Variants in EPHA6 observed in about 807,000 individuals in gnomAD.
The protein encoded by EPHA6 is EPH receptor A6.
Under a neutral mutation model 112.0 loss-of-function variants are expected in EPHA6, and 50 were observed. The ratio of observed to expected loss-of-function variants is 0.45; its 90% CI spans 0.36 to 0.56. The LOEUF (loss-of-function observed/expected upper bound fraction) is 0.56, where lower values mean the gene tolerates loss of function less well. EPHA6 is among the 20% of genes least tolerant of loss of function. The probability of loss-of-function intolerance (pLI) is 0.00; values close to 1 mark genes in which losing one functional copy is unlikely to be tolerated. For synonymous variants in EPHA6, 529 were observed against 490.7 expected (o/e 1.08, Z -1.03); for missense variants, 1,280 against 1,417.4 (o/e 0.90, Z 1.56).
At chr3:97,487,609 A>G (rs2091728306) in intron 10 of EPHA6, among the ~76,000 whole-genome samples, 1 of 152,194 alleles carries the variant, frequency 6.6e-6, no homozygotes, top group Non-Finnish European at 1.5e-5. Flanking sequence ...TTTTCTGTAC[A>G]TATATTCTTA....
chr3:97,109,161 A>G (rs1290061743), intron 3 of EPHA6, among the ~76,000 whole-genome samples: 3 of 152,190 alleles, frequency 2.0e-5, no homozygotes, highest in Non-Finnish European at 4.4e-5. Context: ...TTTTGAATGA[A>G]TGAGTGATTT....
At position 97,063,168 on chromosome 3, in the gene EPHA6, A is replaced by G. The variant is rs143371903; in HGVS notation, c.1114+75175A>G. Among the ~76,000 whole-genome samples the G allele has an allele frequency of 5.0e-3, 757 of 152,294 alleles. 6 individuals are homozygous for G. The highest frequency in any genetic ancestry group is 0.016 in the African/African-American group (666 of 41,570). On this transcript the variant is annotated intron_variant, in intron 3 of 17. Transcript: ENST00000389672. ...AATTCCTCAAAGACCTAGAGACAGA[A>G]ATATCATTTGACTCAGCAATCCCAT...
At chr3:97,535,458 A>T (rs2092750213) in intron 11 of EPHA6, among the ~76,000 whole-genome samples, 1 of 152,090 alleles carries the variant, frequency 6.6e-6, no homozygotes, top group Non-Finnish European at 1.5e-5. Context: ...GGAGCTACCA[A>T]GGTGGGTTGT....
chr3:97,286,810 A>G (rs576126782), intron 5 of EPHA6, among the ~76,000 whole-genome samples: 2 of 151,560 alleles, frequency 1.3e-5, no homozygotes, highest in East Asian at 3.9e-4. Context: ...AATTGAATTG[A>G]ATTATAGATT....
chr3:97,533,952 C>A (rs1439447057), intron 11 of EPHA6, among the ~76,000 whole-genome samples: 1 of 152,126 alleles, frequency 6.6e-6, no homozygotes, highest in African/African-American at 2.4e-5. Context: ...AGGAACCATG[C>A]ACCTCCATCC....
At chr3:97,483,430 G>A (rs1175521740) in intron 9 of EPHA6, among the ~76,000 whole-genome samples, 1 of 152,122 alleles carries the variant, frequency 6.6e-6, no homozygotes, top group African/African-American at 2.4e-5. Context: ...GGCCTTTCTT[G>A]TTTCTATGCC....
At chr3:96,927,092 T>A (rs926801917) in intron 2 of EPHA6, among the ~76,000 whole-genome samples, 1 of 152,242 alleles carries the variant, frequency 6.6e-6, no homozygotes, top group African/African-American at 2.4e-5. Context: ...ACCTTAATTC[T>A]TGACTTTTGT....
chr3:97,214,429 G>A (rs1339999115), intron 3 of EPHA6, among the ~76,000 whole-genome samples: 5 of 149,506 alleles, frequency 3.3e-5, no homozygotes, highest in East Asian at 2.0e-4. Context: ...CAACAGAAAA[G>A]CGTGGAGTGC....
Position 97,592,611 on chromosome 3 carries a change from G to T in EPHA6, c.2387-1G>T, listed in dbSNP as rs2093555230. ...TAATGTCAATTTTTATCTCTTAAAA[G>T]GATCCTTCCCGGCCATTGGGGTGGA... On this transcript the variant is annotated splice_acceptor_variant, in intron 11 of 17. Transcript: ENST00000389672. LOFTEE classifies it high-confidence loss of function. 1 of 1,612,888 alleles carries T rather than the reference G, an allele frequency of 6.2e-7. No individual in the cohort carries two copies. The highest frequency in any genetic ancestry group is 1.1e-5 in the South Asian group (1 of 91,060).
chr3:97,045,891 A>G (rs1294787010), intron 3 of EPHA6, among the ~76,000 whole-genome samples: 3 of 152,062 alleles, frequency 2.0e-5, no homozygotes, highest in East Asian at 3.9e-4. Flanking sequence ...TCACAATATA[A>G]TAAGAAGCAA....
At chr3:96,857,699 A>AGACT (rs1344260595) in intron 1 of EPHA6, among the ~76,000 whole-genome samples, 2 of 151,140 alleles carry the variant, frequency 1.3e-5, no homozygotes, top group African/African-American at 2.4e-5. Flanking sequence ...CTCTCATTAT[A>AGACT]GACTACTCTG....
chr3:97,099,204 G>T (rs534392681), intron 3 of EPHA6, among the ~76,000 whole-genome samples: 3 of 151,714 alleles, frequency 2.0e-5, no homozygotes, highest in African/African-American at 7.3e-5. Context: ...TCACAGTTGA[G>T]GTATCTATTT....
At chr3:97,421,182 A>T (rs949104411) in intron 6 of EPHA6, among the ~76,000 whole-genome samples, 6 of 152,110 alleles carry the variant, frequency 3.9e-5, no homozygotes, top group African/African-American at 1.4e-4. Context: ...GGATCTCGCC[A>T]TTCCAATGGG....
intron 2 of EPHA6, among the ~76,000 whole-genome samples, chr3:96,974,415 A>G (rs893444386): frequency 6.6e-6 from 1 of 150,410 alleles, no homozygotes; most frequent in Non-Finnish European, 1.5e-5. Context: ...TAAGTTGGTC[A>G]GTTTGGTCAG....
chr3:97,338,501 T>C (rs1333014447), intron 5 of EPHA6, among the ~76,000 whole-genome samples: 7 of 152,162 alleles, frequency 4.6e-5, no homozygotes, highest in Admixed American at 3.3e-4. Context: ...CGTTCAGCTG[T>C]GGTCTTGCTC....
intron 2 of EPHA6, among the ~76,000 whole-genome samples, chr3:96,955,091 C>G (rs753994918): frequency 1.3e-5 from 2 of 152,022 alleles, no homozygotes; most frequent in South Asian, 4.1e-4. Flanking sequence ...TCTTGGAGAT[C>G]TTTGTCTCTA....
At chr3:97,076,812 T>C (rs1366647633) in intron 3 of EPHA6, among the ~76,000 whole-genome samples, 1 of 152,148 alleles carries the variant, frequency 6.6e-6, no homozygotes, top group Non-Finnish European at 1.5e-5. Flanking sequence ...TTAAGAATTA[T>C]GGTAAATCTA....
chr3:96,834,533 T>C (rs2034283838), intron 1 of EPHA6, among the ~76,000 whole-genome samples: 1 of 151,936 alleles, frequency 6.6e-6, no homozygotes, highest in African/African-American at 2.4e-5. Context: ...TAAGGGTGGA[T>C]AGATAAAAGC....
rs535468343 is a variant in EPHA6, at chr3:97,607,732, T to C, written c.2513-3061T>C. 1.3e-4 allele frequency among the ~76,000 whole-genome samples: 20 copies of C among 151,256 alleles called. No individual in the cohort carries two copies. In the East Asian group the frequency reaches 3.5e-3, roughly 26 times the overall value. ...TGCAAATACTAAGATGATTCTGTGA[T>C]ATGAGGCAGAAGGGGTGACTGGCTA... On this transcript the variant is annotated intron_variant, in intron 12 of 17. Transcript: ENST00000389672.
Sources: allele counts gnomAD v4.1 joint callset (sites outside exome capture counted in the v4.1 genomes callset), GRCh38; gene constraint gnomAD v4.1.1; transcripts MANE v1.5; gene names NCBI Gene and HGNC (gene_info 2026-07-23, HGNC 2026-07-21).